Variants in IL13 observed in about 807,000 individuals in gnomAD.
IL13 encodes interleukin 13, also known as interleukin-13.
Under a neutral mutation model 11.1 loss-of-function variants are expected in IL13, and 9 were observed. That is an observed-to-expected ratio of 0.81 (90% confidence interval 0.49 to 1.42). The LOEUF (loss-of-function observed/expected upper bound fraction) is 1.42, where lower values mean the gene tolerates loss of function less well. Among genes scored for constraint, IL13 ranks in the 40% most tolerant of loss-of-function variants. The probability of loss-of-function intolerance (pLI) is 0.00; values close to 1 mark genes in which losing one functional copy is unlikely to be tolerated. For missense variants in IL13, 181 were observed against 182.5 expected (o/e 0.99, Z 0.05); for synonymous variants, 75 against 76.9 (o/e 0.97, Z 0.13).
In IL13 at chr5:132,658,295, G is replaced by A. The variant is rs1246680337; in HGVS notation, c.109G>A (p.Val37Met). Residue 37 changes from valine (V) to methionine (M), a missense_variant, in exon 1 of 4, where the codon GTG becomes ATG. By Grantham distance (21) the Val-to-Met change is conservative. Coordinates refer to ENST00000304506, the MANE Select transcript of IL13 (RefSeq NM_002188.3). The part of the protein sequence containing the change: ...CLGGFASPGP[V>M]PPSTALRELI... The stretch of plus-strand genomic sequence containing the variant: ...TGGCGGCTTTGCCTCCCCAGGCCCT[G>A]TGCCTCCCTCTACAGCCCTCAGGGA... 2 of 1,611,110 alleles carry A rather than the reference G, an allele frequency of 1.2e-6. No individual in the cohort carries two copies. Among genetic ancestry groups the A allele is most frequent in the Non-Finnish European group, 1.7e-6 (2 of 1,177,270 alleles).
chr5:132,660,413 C>T lies in IL13; in HGVS notation c.*131C>T. The T allele has an allele frequency of 7.1e-7, 1 of 1,403,560 alleles. No homozygotes were observed. The highest frequency in any genetic ancestry group is 9.4e-7 in the Non-Finnish European group (1 of 1,061,280). The allele number at this position is 1,403,560 out of a possible 1,614,324, so 86.9% of individuals were successfully genotyped here. On this transcript the variant is annotated 3_prime_UTR_variant, in exon 4 of 4. Transcript: ENST00000304506. ...GTTAGGGAGGGGTAAAATTCCTTAG[C>T]TTAGACCTCAGCCTGTGCTGCCCGT... is the stretch of plus-strand genomic sequence containing the variant.
At position 132,659,339 on chromosome 5, in the gene IL13, G is replaced by A. The variant is rs1345513281; in HGVS notation, c.175-79G>A. 2 of 1,007,588 alleles carry A rather than the reference G, an allele frequency of 2.0e-6. No homozygotes were observed. Among genetic ancestry groups the A allele is most frequent in the African/African-American group, 3.2e-5 (2 of 63,340 alleles). 62.4% of individuals were successfully genotyped at this position (1,007,588 alleles called of 1,614,324 possible). ...AGGGATGCTTGTGGGGCCTGTGCTG[G>A]GGCAGACCTGGCCTGGGCTGCCAGG... On this transcript the variant is annotated intron_variant, in intron 1 of 3. Coordinates refer to ENST00000304506, the MANE Select transcript of IL13 (RefSeq NM_002188.3). This position sits in a 1 kb window ranked among gnomAD's most constrained non-coding sequence, Gnocchi z 4.1.
upstream of IL13, among the ~76,000 whole-genome samples, chr5:132,657,682 A>G (rs1752065131): frequency 1.3e-5 from 2 of 152,316 alleles, no homozygotes; most frequent in African/African-American, 2.4e-5. Context: ...TGAATTTTGT[A>G]TCCAAGCAAG....
chr5:132,658,477 T>G (rs1413525564), intron 1 of IL13, 117 bp downstream of exon 1: 1 of 620,116 alleles, frequency 1.6e-6, no homozygotes, highest in African/African-American at 1.9e-5. Flanking sequence ...AGGAAAAATC[T>G]CCATGGACCA....
Position 132,659,730 on chromosome 5 carries a change from G to T in IL13, c.235G>T (p.Ala79Ser). ...SINLTAGMYC[A>S]ALESLINVSG... is the part of the protein sequence containing the mutation. ...CGGTGTCCCCTCCCCACAGTACTGT[G>T]CAGCCCTGGAATCCCTGATCAACGT... is the stretch of plus-strand genomic sequence containing the variant. The change falls in exon 3 of 4, where the codon GCA becomes TCA. Residue 79 changes from alanine (A) to serine (S), a missense_variant. Ala to Ser is a moderately conservative substitution (Grantham distance 99). Coordinates refer to ENST00000304506, the MANE Select transcript of IL13 (RefSeq NM_002188.3). This position sits in a 1 kb window ranked among gnomAD's most constrained non-coding sequence, Gnocchi z 4.1. The T allele has an allele frequency of 6.2e-7, 1 of 1,613,878 alleles. No homozygotes were observed. Among genetic ancestry groups the T allele is most frequent in the Non-Finnish European group, 8.5e-7 (1 of 1,180,002 alleles).
chr5:132,659,039 C>A lies in IL13; in HGVS notation c.175-379C>A. 1 of 262,720 alleles carries A rather than the reference C, an allele frequency of 3.8e-6. No individual in the cohort carries two copies. Among genetic ancestry groups the A allele is most frequent in the African/African-American group, 2.2e-5 (1 of 46,284 alleles). The allele number at this position is 262,720 out of a possible 1,614,324, so 16.3% of individuals were successfully genotyped here. ...GGCAGGGCATTTAATACACCAGATC[C>A]CCACCGCCTCCCATCTGATTTGTCT... On this transcript the variant is annotated intron_variant, in intron 1 of 3. Coordinates refer to ENST00000304506, the MANE Select transcript of IL13 (RefSeq NM_002188.3). The surrounding 1 kb of genome is among the most constrained non-coding windows in gnomAD (Gnocchi z 4.1).
chr5:132,660,075 C>A, intron 3 of IL13, 100 bp from the exon 4 acceptor site: 1 of 1,330,176 alleles, frequency 7.5e-7, no homozygotes, highest in Non-Finnish European at 1.0e-6. Flanking sequence ...TGGGGACTTC[C>A]GTGAGGACTG....
At chr5:132,656,747 A>G, upstream of IL13, 1 of 153,396 alleles carries the variant, frequency 6.5e-6, no homozygotes, top group Non-Finnish European at 1.4e-5. Flanking sequence ...GCGGCACTCC[A>G]GGCACTGGGG....
rs1380949198 is a variant in IL13 at position 132,658,196 on chromosome 5, C to T, written c.10C>T (p.Leu4Phe). The T allele has an allele frequency of 6.2e-7, 1 of 1,602,578 alleles. No individual in the cohort carries two copies. Among genetic ancestry groups the T allele is most frequent in the Admixed American group, 1.7e-5 (1 of 58,724 alleles). The part of the protein sequence containing the change: MHP[L>F]LNPLLLALGL... ...ACAAGCCACCCAGCCTATGCATCCGCTCCTCAATCCTCTCCTGTTGGCACT... is the reference window on the plus strand; with the variant it reads ...ACAAGCCACCCAGCCTATGCATCCGTTCCTCAATCCTCTCCTGTTGGCACT... Residue 4 changes from leucine to phenylalanine, a missense_variant, in exon 1 of 4, where the codon CTC becomes TTC. Physicochemically the swap from Leu to Phe is conservative, Grantham distance 22. Coordinates refer to ENST00000304506, the MANE Select transcript of IL13 (RefSeq NM_002188.3).
rs1752075267 is a variant in IL13, at chr5:132,658,223, G to T, written c.37G>T (p.Gly13Cys). Residue 13 changes from glycine to cysteine, a missense_variant, in exon 1 of 4, where the codon GGC becomes TGC. Coordinates refer to ENST00000304506, the MANE Select transcript of IL13 (RefSeq NM_002188.3). ...PLLNPLLLALGLMALLLTTVI... is the reference protein window; with the variant it reads ...PLLNPLLLALCLMALLLTTVI... ...CCTCAATCCTCTCCTGTTGGCACTG[G>T]GCCTCATGGCGCTTTTGTTGACCAC... 4 of 1,612,588 alleles carry T rather than the reference G, an allele frequency of 2.5e-6. No homozygotes were observed. The highest frequency in any genetic ancestry group is 2.5e-6 in the Non-Finnish European group (3 of 1,178,932).
chr5:132,658,053 C>T, upstream of IL13: 1 of 568,672 alleles, frequency 1.8e-6, no homozygotes, highest in South Asian at 2.5e-5. Flanking sequence ...GGATTTTCCA[C>T]AAAGTAAAAT....
Position 132,658,177 on chromosome 5 carries a change from C to T in IL13, c.-10C>T. ...GCCACAAGACGCCAAGGCCACAAGC[C>T]ACCCAGCCTATGCATCCGCTCCTCA... On this transcript the variant is annotated 5_prime_UTR_variant, in exon 1 of 4. Coordinates refer to ENST00000304506, the MANE Select transcript of IL13 (RefSeq NM_002188.3). 5 of 1,580,318 alleles carry T rather than the reference C, an allele frequency of 3.2e-6. No individual in the cohort carries two copies. The highest frequency in any genetic ancestry group is 1.7e-5 in the Admixed American group (1 of 57,362).
Position 132,659,920 on chromosome 5 carries a change from G to A in IL13, c.333+92G>A. ...GGGAAGCTGGCTGAATATCCATGGT[G>A]TGTGTCCACCCAGGGGTGGGGCCAT... is the stretch of plus-strand genomic sequence containing the variant. On this transcript the variant is annotated intron_variant, in intron 3 of 3. Transcript: ENST00000304506. The surrounding 1 kb of genome is among the most constrained non-coding windows in gnomAD (Gnocchi z 4.1). The A allele has an allele frequency of 6.5e-7, 1 of 1,537,696 alleles. No homozygotes were observed.
Position 132,658,275 on chromosome 5 carries a change from G to A in IL13, c.89G>A (p.Gly30Asp). 1 of 1,609,816 alleles carries A rather than the reference G, an allele frequency of 6.2e-7. No homozygotes were observed. The highest frequency in any genetic ancestry group is 8.5e-7 in the Non-Finnish European group (1 of 1,176,062). ...TTVIALTCLG[G>D]FASPGPVPPS... ...GTCATTGCTCTCACTTGCCTTGGCG[G>A]CTTTGCCTCCCCAGGCCCTGTGCCT... Residue 30 changes from glycine (G) to aspartate (D), a missense_variant, in exon 1 of 4, where the codon GGC becomes GAC. Transcript: ENST00000304506.
rs777431829 is a variant in IL13, at chr5:132,659,767, G to C, written c.272G>C (p.Ser91Thr). 1 of 1,613,880 alleles carries C rather than the reference G, an allele frequency of 6.2e-7. No individual in the cohort carries two copies. The highest frequency in any genetic ancestry group is 1.3e-5 in the African/African-American group (1 of 74,934). The change falls in exon 3 of 4, where the codon AGT becomes ACT. Residue 91 changes from serine to threonine, a missense_variant. Physicochemically the swap from Ser to Thr is moderately conservative, Grantham distance 58. Transcript: ENST00000304506. This position sits in a 1 kb window ranked among gnomAD's most constrained non-coding sequence, Gnocchi z 4.1. ...TCCCTGATCAACGTGTCAGGCTGCA[G>C]TGCCATCGAGAAGACCCAGAGGATG... ...LESLINVSGC[S>T]AIEKTQRMLS... is the part of the protein sequence containing the mutation.
At position 132,658,329 on chromosome 5, in the gene IL13, A is replaced by G. The variant is rs1157817641; in HGVS notation, c.143A>G (p.Glu48Gly). ...TCTACAGCCCTCAGGGAGCTCATTG[A>G]GGAGCTGGTCAACATCACCCAGAAC... ...PPSTALRELIEELVNITQNQK... is the reference protein window; with the variant it reads ...PPSTALRELIGELVNITQNQK... Residue 48 changes from glutamate to glycine, a missense_variant, in exon 1 of 4, where the codon GAG becomes GGG. Transcript: ENST00000304506. 1 of 1,611,910 alleles carries G rather than the reference A, an allele frequency of 6.2e-7. No homozygotes were observed. Among genetic ancestry groups the G allele is most frequent in the Non-Finnish European group, 8.5e-7 (1 of 1,178,366 alleles).
In IL13 at chr5:132,659,217, C is replaced by A; in HGVS notation, c.175-201C>A. 1.7e-6 allele frequency: 1 copy of A among 585,460 alleles called. No individual in the cohort carries two copies. Among genetic ancestry groups the A allele is most frequent in the Admixed American group, 2.9e-5 (1 of 34,466 alleles). The allele number at this position is 585,460 out of a possible 1,614,324, so 36.3% of individuals were successfully genotyped here. A position where few individuals can be genotyped will look rare whatever the true frequency, so the allele number is the denominator to read the frequency against. ...ATTTTTTTCTCTCAGCTCCAAGACC[C>A]TAAACAGTGGGACCTCACCCCTATG... On this transcript the variant is annotated intron_variant, in intron 1 of 3. Transcript: ENST00000304506. This position sits in a 1 kb window ranked among gnomAD's most constrained non-coding sequence, Gnocchi z 4.1.
rs1326164855 is a variant in IL13 at position 132,659,989 on chromosome 5, C to T, written c.333+161C>T. ...GCCTTCGGGATTTACAGGATCTGGG[C>T]TCAAGGGCTCCTAACTCCTACCTGG... On this transcript the variant is annotated intron_variant, in intron 3 of 3. Coordinates refer to ENST00000304506, the MANE Select transcript of IL13 (RefSeq NM_002188.3). This position sits in a 1 kb window ranked among gnomAD's most constrained non-coding sequence, Gnocchi z 4.1. Among the ~76,000 whole-genome samples the T allele has an allele frequency of 6.6e-6, 1 of 152,156 alleles. No individual in the cohort carries two copies. The highest frequency in any genetic ancestry group is 2.4e-5 in the African/African-American group (1 of 41,422).
chr5:132,660,465 C>A lies in IL13; in HGVS notation c.*183C>A. ...TTCAGCCTAGCCGACCTCAGCCTTC[C>A]CCTTGCCCAGGGCTCAGCCTGGTGG... On this transcript the variant is annotated 3_prime_UTR_variant, in exon 4 of 4. Transcript: ENST00000304506. 9.2e-7 allele frequency: 1 copy of A among 1,089,474 alleles called. No homozygotes were observed. The highest frequency in any genetic ancestry group is 1.6e-5 in the African/African-American group (1 of 62,774). The allele number at this position is 1,089,474 out of a possible 1,614,324, so 67.5% of individuals were successfully genotyped here.
Sources: allele counts gnomAD v4.1 joint callset (sites outside exome capture counted in the v4.1 genomes callset), GRCh38; gene constraint gnomAD v4.1.1; non-coding constraint Gnocchi (gnomAD v3.1); transcripts MANE v1.5; gene names NCBI Gene and HGNC (gene_info 2026-07-23, HGNC 2026-07-21).